C19orf44: variants seen among roughly 807,000 people sequenced by gnomAD.
C19orf44 encodes chromosome 19 open reading frame 44.
In C19orf44, 43 loss-of-function variants were observed where a neutral mutation model predicts 50.7. That is an observed-to-expected ratio of 0.85 (90% CI 0.66 to 1.09). The LOEUF is 1.09. Ranked by LOEUF, C19orf44 falls within the 50% of genes least tolerant of loss-of-function variation. The pLI is 0.00. For missense variants in C19orf44, 722 were observed against 836.2 expected (o/e 0.86, Z 1.68); for synonymous variants, 298 against 334.7 (o/e 0.89, Z 1.20).
chr19:16,517,138 C>A, intron 7 of C19orf44, 92 bp from the exon 8 acceptor site: 3 of 1,176,356 alleles, frequency 2.6e-6, no homozygotes, highest in South Asian at 1.3e-5. Context: ...CTGCTGGGGA[C>A]AGGTGCTGGC....
In C19orf44 at chr19:16,513,036, G is replaced by A; in HGVS notation, c.1662G>A (p.Gly554=). 1.2e-6 allele frequency: 2 copies of A among 1,613,402 alleles called. No individual in the cohort carries two copies. The highest frequency in any genetic ancestry group is 1.7e-6 in the Non-Finnish European group (2 of 1,179,996). Residue 554 remains glycine, a synonymous_variant, in exon 6 of 9, where the codon GGG becomes GGA. Coordinates refer to ENST00000221671, the MANE Select transcript of C19orf44 (RefSeq NM_032207.4). ...TAGTGGCCAGCATGGCAGCCATGGG[G>A]CCTGCCCTGGGAGGCGCCTACGTGG... ...WTKVASMAAM[G]PALGGAYVDP...
chr19:16,505,661 A>C (rs1313335646), intron 3 of C19orf44, among the ~76,000 whole-genome samples: 1 of 152,032 alleles, frequency 6.6e-6, no homozygotes, highest in African/African-American at 2.4e-5. Context: ...TTTATTTTTT[A>C]TCATTATTAT....
chr19:16,514,686 A>G, intron 7 of C19orf44, 23 bp downstream of exon 7: 1 of 1,543,868 alleles, frequency 6.5e-7, no homozygotes, highest in Admixed American at 2.0e-5. Context: ...CCCCATGGGC[A>G]GGGGCAGGGC....
At position 16,514,537 on chromosome 19, in the gene C19orf44, T is replaced by G. The variant is rs780808941; in HGVS notation, c.1776T>G (p.Asp592Glu). 53 of 1,611,844 alleles carry G rather than the reference T, an allele frequency of 3.3e-5. No homozygotes were observed. The highest frequency in any genetic ancestry group is 4.4e-5 in the Non-Finnish European group (52 of 1,179,768). ...AYSPAVLALH[D>E]VLKQQLSLTQ... ...GCCCGGCCGTGCTGGCACTCCATGA[T>G]GTGCTGAAGCAGCAGCTGAGCCTGA... The change falls in exon 7 of 9, where the codon GAT becomes GAG. Residue 592 changes from aspartate to glutamate, a missense_variant. Coordinates refer to ENST00000221671, the MANE Select transcript of C19orf44 (RefSeq NM_032207.4).
intron 5 of C19orf44, among the ~76,000 whole-genome samples, chr19:16,511,910 G>C (rs2122212885): frequency 6.6e-6 from 1 of 151,496 alleles, no homozygotes; most frequent in South Asian, 2.1e-4. Flanking sequence ...AGCTACTCGG[G>C]AGGCCGAGGC....
At chr19:16,516,259 G>A (rs1285439100) in intron 7 of C19orf44, among the ~76,000 whole-genome samples, 1 of 152,058 alleles carries the variant, frequency 6.6e-6, no homozygotes, top group Non-Finnish European at 1.5e-5. Context: ...AACATAGCAA[G>A]ACTCCATCTC....
rs2122243669 is a variant in C19orf44 at position 16,521,180 on chromosome 19, GGAACAC to G, written c.*1128_*1133del. The G allele has an allele frequency of 1.7e-6, 1 of 583,790 alleles. No homozygotes were observed. The highest frequency in any genetic ancestry group is 2.8e-5 in the East Asian group (1 of 35,130). 36.2% of individuals were successfully genotyped at this position (583,790 alleles called of 1,614,324 possible). A position where few individuals can be genotyped will look rare whatever the true frequency, so the allele number is the denominator to read the frequency against. On this transcript the variant is annotated 3_prime_UTR_variant, in exon 9 of 9. Coordinates refer to ENST00000221671, the MANE Select transcript of C19orf44 (RefSeq NM_032207.4). The stretch of plus-strand genomic sequence containing the variant: ...CCATGGTCTGTGGAACTGGGAAACA[GGAACAC>G]TGACTCATGGGTGGACAGGCCTGCA...
In C19orf44 at chr19:16,503,344, G is replaced by A. The variant is rs376391840; in HGVS notation, c.1039G>A (p.Glu347Lys). 6 of 1,613,066 alleles carry A rather than the reference G, an allele frequency of 3.7e-6. No individual in the cohort carries two copies. The African/African-American group carries it at 6.7e-5, about 18-fold the overall frequency. The change falls in exon 3 of 9, where the codon GAG becomes AAG. Residue 347 changes from glutamate to lysine, a missense_variant. Physicochemically the swap from Glu to Lys is moderately conservative, Grantham distance 56 (BLOSUM62 1). Coordinates refer to ENST00000221671, the MANE Select transcript of C19orf44 (RefSeq NM_032207.4). ...AAGGAGTGAGGCTGAGACTGTGGAC[G>A]AGCCAGTCTCAGAAGGTGCTGATGA... ...PGRSEAETVD[E>K]PVSEGADDSL...
chr19:16,515,909 A>G (rs1191342881), intron 7 of C19orf44, among the ~76,000 whole-genome samples: 1 of 151,486 alleles, frequency 6.6e-6, no homozygotes, highest in African/African-American at 2.4e-5. Flanking sequence ...TGATTCTCTT[A>G]CCTCACCTTC....
At position 16,520,349 on chromosome 19, in the gene C19orf44, G is replaced by A. The variant is rs1258946525; in HGVS notation, c.*296G>A. ...AAGAGGCCTCAGGCACTGCCCTGAG[G>A]CAGCCTCTGCCTACCTAGATCTGGA... On this transcript the variant is annotated 3_prime_UTR_variant, in exon 9 of 9. Coordinates refer to ENST00000221671, the MANE Select transcript of C19orf44 (RefSeq NM_032207.4). The surrounding 1 kb of genome is among the most constrained non-coding windows in gnomAD (Gnocchi z 4.0). The A allele has an allele frequency of 1.2e-6, 2 of 1,612,120 alleles. No individual in the cohort carries two copies. Among genetic ancestry groups the A allele is most frequent in the Non-Finnish European group, 1.7e-6 (2 of 1,178,678 alleles).
In C19orf44 at chr19:16,520,345, T is replaced by C. The variant is rs1207390296; in HGVS notation, c.*292T>C. 6.2e-7 allele frequency: 1 copy of C among 1,611,690 alleles called. No individual in the cohort carries two copies. Among genetic ancestry groups the C allele is most frequent in the Non-Finnish European group, 8.5e-7 (1 of 1,178,498 alleles). Reference sequence around the variant, plus strand: ...CAGGAAGAGGCCTCAGGCACTGCCCTGAGGCAGCCTCTGCCTACCTAGATC... The same window carrying C: ...CAGGAAGAGGCCTCAGGCACTGCCCCGAGGCAGCCTCTGCCTACCTAGATC... On this transcript the variant is annotated 3_prime_UTR_variant, in exon 9 of 9. Transcript: ENST00000221671. This position sits in a 1 kb window ranked among gnomAD's most constrained non-coding sequence, Gnocchi z 4.0.
In C19orf44 at chr19:16,517,309, C is replaced by G. The variant is rs751558594; in HGVS notation, c.*8C>G. The stretch of plus-strand genomic sequence containing the variant: ...GTGAACAAGGAGCTGTGAGCGCCAG[C>G]AGGTGGAGCTTGACGTGACGTCTTA... On this transcript the variant is annotated 3_prime_UTR_variant, in exon 8 of 9. Transcript: ENST00000221671. 3 of 1,613,662 alleles carry G rather than the reference C, an allele frequency of 1.9e-6. No individual in the cohort carries two copies. Among genetic ancestry groups the G allele is most frequent in the Admixed American group, 3.3e-5 (2 of 59,986 alleles).
At chr19:16,498,921 C>T (rs1042258090) in intron 1 of C19orf44, among the ~76,000 whole-genome samples, 16 of 150,654 alleles carry the variant, frequency 1.1e-4, no homozygotes, top group Admixed American at 6.6e-4. Context: ...CCGCCCACCT[C>T]GGCCTCCCAA....
intron 4 of C19orf44, among the ~76,000 whole-genome samples, chr19:16,507,494 CTTTT>C (rs924385798): frequency 2.2e-5 from 3 of 138,824 alleles, no homozygotes; most frequent in African/African-American, 5.2e-5. Flanking sequence ...TTATTTTAAA[CTTTT>C]TTTTTTTTTT....
chr19:16,501,873 G>A (rs2093426446), intron 2 of C19orf44, among the ~76,000 whole-genome samples: 1 of 150,908 alleles, frequency 6.6e-6, no homozygotes, highest in Admixed American at 6.6e-5. Flanking sequence ...TTACAGGCAT[G>A]AGCCACCATG....
intron 7 of C19orf44, 40 bp downstream of exon 7, chr19:16,514,703 G>A: frequency 3.4e-6 from 5 of 1,482,250 alleles, no homozygotes; most frequent in East Asian, 2.6e-5. Flanking sequence ...GGGCAGTAGG[G>A]GAGCGGCAGC....
intron 1 of C19orf44, among the ~76,000 whole-genome samples, chr19:16,498,541 C>T (rs186446278): frequency 4.1e-4 from 63 of 152,294 alleles, no homozygotes; most frequent in Middle Eastern, 3.4e-3. Flanking sequence ...ATCCTGGCCT[C>T]CCACAGTGCT....
At chr19:16,512,453 G>A (rs77609700) in intron 5 of C19orf44, among the ~76,000 whole-genome samples, 4,211 of 152,150 alleles carry the variant, frequency 0.028, 99 homozygotes, top group Non-Finnish European at 0.04. Context: ...CACTGCTCTC[G>A]ACTGCAGCCA....
chr19:16,512,862 CAAAA>C (rs561129339), intron 5 of C19orf44, 148 bp from the exon 6 acceptor site: 819 of 497,584 alleles, frequency 1.6e-3, no homozygotes, highest in Middle Eastern at 2.6e-3. Flanking sequence ...TGTCTCAAAC[CAAAA>C]AAAAAAAAAA....
Sources: gnomAD v4.1 joint callset for allele counts (sites outside exome capture counted in the v4.1 genomes callset) on GRCh38, gnomAD v4.1.1 for gene constraint, Gnocchi (gnomAD v3.1) non-coding constraint, MANE v1.5 for transcripts, NCBI Gene and HGNC (gene_info 2026-07-23, HGNC 2026-07-21) for gene names.